CTXN2: variants seen among roughly 807,000 people sequenced by gnomAD.
The protein encoded by CTXN2 is cortexin-2.
In CTXN2, 3 loss-of-function variants were observed where a neutral mutation model predicts 5.7. That is an observed-to-expected ratio of 0.53 (90% confidence interval 0.24 to 1.36). The LOEUF (loss-of-function observed/expected upper bound fraction) is 1.36, where lower values mean the gene tolerates loss of function less well. CTXN2 is among the 40% of genes most tolerant of loss of function. The pLI is 0.17. For synonymous variants in CTXN2, 38 were observed against 36.4 expected (o/e 1.04, Z -0.16); for missense variants, 87 against 93.0 (o/e 0.94, Z 0.26).
Position 48,203,144 on chromosome 15 carries a change from G to C in CTXN2, c.*1598G>C, listed in dbSNP as rs1292136300. The C allele has an allele frequency of 1.2e-5, 2 of 166,930 alleles. No homozygotes were observed. The highest frequency in any genetic ancestry group is 2.9e-5 in the Non-Finnish European group (2 of 68,100). The allele number at this position is 166,930 out of a possible 1,614,324, so 10.3% of individuals were successfully genotyped here. The stretch of plus-strand genomic sequence containing the variant: ...CATAGCTAGGGAATGGTTATGTTAG[G>C]GATTGAACTTGGGCAGTTTGATTTC... On this transcript the variant is annotated 3_prime_UTR_variant, in exon 2 of 2. Coordinates refer to ENST00000417307, the MANE Select transcript of CTXN2 (RefSeq NM_001145668.2).
At chr15:48,197,698 A>G (rs1187687943) in intron 1 of CTXN2, among the ~76,000 whole-genome samples, 2 of 152,104 alleles carry the variant, frequency 1.3e-5, no homozygotes, top group Non-Finnish European at 2.9e-5. Flanking sequence ...TTCCCTAGTT[A>G]TACTGCATTG....
Position 48,201,289 on chromosome 15 carries a change from T to C in CTXN2, c.-12T>C. 1 of 1,550,570 alleles carries C rather than the reference T, an allele frequency of 6.4e-7. No homozygotes were observed. Among genetic ancestry groups the C allele is most frequent in the Non-Finnish European group, 8.7e-7 (1 of 1,146,142 alleles). On this transcript the variant is annotated 5_prime_UTR_variant, in exon 2 of 2. Coordinates refer to ENST00000417307, the MANE Select transcript of CTXN2 (RefSeq NM_001145668.2). ...GGAACTGTGAAGAGCCACAACAATG[T>C]GCCAGTGAATAATGAGTAGTACCTA... is the stretch of plus-strand genomic sequence containing the variant.
At chr15:48,199,249 G>A (rs1307728154) in intron 1 of CTXN2, among the ~76,000 whole-genome samples, 1 of 152,190 alleles carries the variant, frequency 6.6e-6, no homozygotes, top group African/African-American at 2.4e-5. Flanking sequence ...GACTTTGGGT[G>A]AAGCAGCTCT....
intron 1 of CTXN2, among the ~76,000 whole-genome samples, chr15:48,197,489 C>T (rs2040890705): frequency 1.3e-5 from 2 of 151,876 alleles, no homozygotes; most frequent in Admixed American, 1.3e-4. Context: ...TGGATGTAAC[C>T]CTCAGTTTGG....
In CTXN2 at chr15:48,202,746, T is replaced by C. The variant is rs558679675; in HGVS notation, c.*1200T>C. On this transcript the variant is annotated 3_prime_UTR_variant, in exon 2 of 2. Coordinates refer to ENST00000417307, the MANE Select transcript of CTXN2 (RefSeq NM_001145668.2). ...GAGATTCTCAAACCCTAAGAAGCAA[T>C]GGCTTAGTGTAAATTATTCAATCTC... 1.8e-5 allele frequency: 3 copies of C among 167,112 alleles called. No homozygotes were observed. In the East Asian group the frequency reaches 5.8e-4, roughly 32 times the overall value. The allele number at this position is 167,112 out of a possible 1,614,324, so 10.4% of individuals were successfully genotyped here. A position where few individuals can be genotyped will look rare whatever the true frequency, so the allele number is the denominator to read the frequency against.
chr15:48,185,612 A>T (rs1177903785), intron 1 of CTXN2, among the ~76,000 whole-genome samples: 1 of 152,250 alleles, frequency 6.6e-6, no homozygotes, highest in Non-Finnish European at 1.5e-5. Context: ...AAGTTACGAC[A>T]TATATTTCAA....
At chr15:48,195,280 T>C (rs960273537) in intron 1 of CTXN2, among the ~76,000 whole-genome samples, 2 of 152,086 alleles carry the variant, frequency 1.3e-5, no homozygotes, top group African/African-American at 4.8e-5. Context: ...CCTCCTACTT[T>C]TCTAAATATC....
chr15:48,196,503 C>T (rs989919275), intron 1 of CTXN2, among the ~76,000 whole-genome samples: 5 of 151,954 alleles, frequency 3.3e-5, no homozygotes, highest in Admixed American at 6.6e-5. Context: ...TTATAGAACC[C>T]GATATTTATT....
At chr15:48,179,410 CACACACATACACACACACACAT>C (rs2040668209) in intron 1 of CTXN2, among the ~76,000 whole-genome samples, 1 of 44,272 alleles carries the variant, frequency 2.3e-5, no homozygotes, top group Non-Finnish European at 8.0e-4. Flanking sequence ...CTTCATCACA[CACACACATACACACACACACAT>C]ACACAAACAC....
intron 1 of CTXN2, among the ~76,000 whole-genome samples, chr15:48,198,249 A>T (rs1400991190): frequency 6.6e-6 from 1 of 152,138 alleles, no homozygotes; most frequent in Non-Finnish European, 1.5e-5. Context: ...TTCAAATCCA[A>T]TTTTTGAAAT....
chr15:48,194,784 T>C (rs966518156), intron 1 of CTXN2, among the ~76,000 whole-genome samples: 6 of 152,136 alleles, frequency 3.9e-5, no homozygotes, highest in Non-Finnish European at 8.8e-5. Flanking sequence ...TGGATCAATC[T>C]AGAACAAGTC....
At chr15:48,178,607 C>T (rs1231669951) in intron 1 of CTXN2, 1 of 223,898 alleles carries the variant, frequency 4.5e-6, no homozygotes, top group Admixed American at 5.9e-5. Flanking sequence ...CGGGATTAGA[C>T]ATCAAAGCCC....
intron 1 of CTXN2, among the ~76,000 whole-genome samples, chr15:48,178,912 C>T (rs1597375742): frequency 6.6e-6 from 1 of 151,748 alleles, no homozygotes; most frequent in Non-Finnish European, 1.5e-5. Flanking sequence ...TAAGAGAAGA[C>T]TGCAGTTTTT....
intron 1 of CTXN2, among the ~76,000 whole-genome samples, chr15:48,181,923 G>T (rs1370771852): frequency 6.6e-6 from 1 of 152,006 alleles, no homozygotes; most frequent in African/African-American, 2.4e-5. Context: ...AGCTTAAAAA[G>T]GAATTCGTAA....
In CTXN2 at chr15:48,203,616, A is replaced by T. The variant is rs2078771733; in HGVS notation, c.*2070A>T. On this transcript the variant is annotated 3_prime_UTR_variant, in exon 2 of 2. Coordinates refer to ENST00000417307, the MANE Select transcript of CTXN2 (RefSeq NM_001145668.2). ...CAAGGCCAGATCTTTATTTCAAAGG[A>T]AGAAAGACCTCTACAACCAAGAAAA... 1 of 167,058 alleles carries T rather than the reference A, an allele frequency of 6.0e-6. No individual in the cohort carries two copies. The highest frequency in any genetic ancestry group is 2.1e-4 in the South Asian group (1 of 4,820). 10.3% of individuals were successfully genotyped at this position (167,058 alleles called of 1,614,324 possible). A position where few individuals can be genotyped will look rare whatever the true frequency, so the allele number is the denominator to read the frequency against.
chr15:48,191,416 T>C, upstream of CTXN2: 1 of 198,870 alleles, frequency 5.0e-6, no homozygotes, highest in African/African-American at 2.3e-5. Flanking sequence ...AAAAAAGGAG[T>C]GTCTATTTTT....
intron 1 of CTXN2, among the ~76,000 whole-genome samples, chr15:48,181,146 A>G (rs1305044920): frequency 6.6e-6 from 1 of 152,230 alleles, no homozygotes; most frequent in East Asian, 1.9e-4. Context: ...AATAACAATA[A>G]CTAGAAATAA....
At chr15:48,180,944 T>A (rs2040697013) in intron 1 of CTXN2, among the ~76,000 whole-genome samples, 1 of 152,256 alleles carries the variant, frequency 6.6e-6, no homozygotes. Flanking sequence ...GCACAAAATA[T>A]ATTACTGGTA....
chr15:48,200,100 T>C (rs1475463915), intron 1 of CTXN2, among the ~76,000 whole-genome samples: 1 of 152,154 alleles, frequency 6.6e-6, no homozygotes, highest in African/African-American at 2.4e-5. Flanking sequence ...TCTGTCTCAG[T>C]TGTTTCCTGA....
Sources: gnomAD v4.1 joint callset for allele counts (sites outside exome capture counted in the v4.1 genomes callset) on GRCh38, gnomAD v4.1.1 for gene constraint, MANE v1.5 for transcripts, NCBI Gene and HGNC (gene_info 2026-07-23, HGNC 2026-07-21) for gene names.